Variants in NR3C1 observed in about 807,000 individuals in gnomAD.
NR3C1 encodes glucocorticoid receptor.
In NR3C1, 14 loss-of-function variants were observed where a neutral mutation model predicts 74.0. The observed-to-expected ratio is 0.19, with a 90% CI of 0.12 to 0.30. NR3C1 has a LOEUF of 0.30. Among genes scored for constraint, NR3C1 ranks in the 10% least tolerant of loss-of-function variants. The probability of loss-of-function intolerance (pLI) is 1.00; values close to 1 mark genes in which losing one functional copy is unlikely to be tolerated. For missense variants in NR3C1, 695 were observed against 909.8 expected, an observed-to-expected ratio of 0.76 and a Z score of 3.04; for synonymous variants, 308 against 332.5, an observed-to-expected ratio of 0.93 and a Z score of 0.80.
At position 143,400,774 on chromosome 5, in the gene NR3C1, C is replaced by T. The variant is rs6189; in HGVS notation, c.66G>A (p.Glu22=). 38,735 of 1,614,150 alleles carry T rather than the reference C, an allele frequency of 0.024. 590 individuals carry two copies. The highest frequency in any genetic ancestry group is 0.028 in the Non-Finnish European group (33,298 of 1,180,000). The change falls in exon 2 of 9, where the codon GAG becomes GAA. Residue 22 remains glutamate, a synonymous_variant. Coordinates refer to ENST00000394464, the MANE Select transcript of NR3C1 (RefSeq NM_000176.3). ...EENPSSVLAQ[E]RGDVMDFYKT... Reference sequence around the variant, plus strand: ...TATAGAAGTCCATCACATCTCCCCTCTCCTGAGCAAGCACACTGCTGGGGT... The same window carrying T: ...TATAGAAGTCCATCACATCTCCCCTTTCCTGAGCAAGCACACTGCTGGGGT...
chr5:143,334,395 G>A (rs905312668), intron 2 of NR3C1, among the ~76,000 whole-genome samples: 3 of 152,074 alleles, frequency 2.0e-5, no homozygotes, highest in African/African-American at 7.2e-5. Flanking sequence ...AAAAAGAAAA[G>A]ACAGTAGCTT....
At chr5:143,395,171 C>G (rs1324526195) in intron 2 of NR3C1, among the ~76,000 whole-genome samples, 3 of 151,896 alleles carry the variant, frequency 2.0e-5, no homozygotes, top group African/African-American at 7.2e-5. Flanking sequence ...CATAATTCAA[C>G]AGGGAAAGGA....
rs1036695688 is a variant in NR3C1, at chr5:143,403,540, G to C, written c.-343C>G. The stretch of plus-strand genomic sequence containing the variant: ...TCCACCCACAGAATCCGTCCCCGAC[G>C]GGCAGGCGGTGACTCGGGCTCCCGT... On this transcript the variant is annotated 5_prime_UTR_variant, in exon 1 of 9. Coordinates refer to ENST00000394464, the MANE Select transcript of NR3C1 (RefSeq NM_000176.3). The C allele has an allele frequency of 1.2e-5, 12 of 985,540 alleles. No homozygotes were observed. The highest frequency in any genetic ancestry group is 1.4e-5 in the Non-Finnish European group (12 of 830,182). 61.0% of individuals were successfully genotyped at this position (985,540 alleles called of 1,614,324 possible). A position where few individuals can be genotyped will look rare whatever the true frequency, so the allele number is the denominator to read the frequency against.
intron 2 of NR3C1, among the ~76,000 whole-genome samples, chr5:143,314,617 T>C (rs1821695371): frequency 6.6e-6 from 1 of 152,198 alleles, no homozygotes; most frequent in African/African-American, 2.4e-5. Flanking sequence ...ATGCCTTTAA[T>C]TGCTTAGGCC....
intron 2 of NR3C1, among the ~76,000 whole-genome samples, chr5:143,370,329 C>T (rs1264626417): frequency 6.6e-6 from 1 of 152,162 alleles, no homozygotes; most frequent in Non-Finnish European, 1.5e-5. Context: ...TGCATACACT[C>T]CAGACAGAAG....
intron 2 of NR3C1, among the ~76,000 whole-genome samples, chr5:143,392,211 C>T (rs1262784292): frequency 1.3e-5 from 2 of 152,124 alleles, no homozygotes; most frequent in African/African-American, 4.8e-5. Context: ...ATGATCTGCC[C>T]GCCTCGGCCT....
At chr5:143,295,240 C>G in intron 7 of NR3C1, 1 of 985,130 alleles carries the variant, frequency 1.0e-6, no homozygotes, top group Non-Finnish European at 1.2e-6. Flanking sequence ...CCCTATGCAG[C>G]TCATATACCT....
At chr5:143,402,387 G>A (rs1312427390) in intron 1 of NR3C1, among the ~76,000 whole-genome samples, 4 of 152,200 alleles carry the variant, frequency 2.6e-5, no homozygotes, top group Admixed American at 2.6e-4. Flanking sequence ...GGTATTACAA[G>A]GTTGCAATTA....
chr5:143,307,562 T>C (rs1039123393), intron 4 of NR3C1, among the ~76,000 whole-genome samples: 2 of 152,224 alleles, frequency 1.3e-5, no homozygotes, highest in African/African-American at 4.8e-5. Flanking sequence ...CCTAAAAATG[T>C]TACTGGGTAA....
At chr5:143,352,333 A>C (rs1378519236) in intron 2 of NR3C1, among the ~76,000 whole-genome samples, 11 of 152,178 alleles carry the variant, frequency 7.2e-5, no homozygotes, top group Admixed American at 2.0e-4. Flanking sequence ...ACAGCTATTA[A>C]AAGTATTCTT....
Position 143,310,958 on chromosome 5 carries a change from T to C in NR3C1, c.1352-745A>G, listed in dbSNP as rs7734158. Among the ~76,000 whole-genome samples the C allele has an allele frequency of 6.5e-3, 989 of 152,304 alleles. 12 individuals carry two copies. The highest frequency in any genetic ancestry group is 0.022 in the African/African-American group (903 of 41,566). Reference sequence around the variant, plus strand: ...GGCATGAGCCACCACGCCCAGCCAATAGATTGTGTTTTAAACAAATAATAG... The same window carrying C: ...GGCATGAGCCACCACGCCCAGCCAACAGATTGTGTTTTAAACAAATAATAG... On this transcript the variant is annotated intron_variant, in intron 3 of 8. Coordinates refer to ENST00000394464, the MANE Select transcript of NR3C1 (RefSeq NM_000176.3).
At chr5:143,303,713 C>A (rs1818977423) in intron 4 of NR3C1, among the ~76,000 whole-genome samples, 1 of 152,050 alleles carries the variant, frequency 6.6e-6, no homozygotes, top group Non-Finnish European at 1.5e-5. Context: ...AATCCAGCTG[C>A]ACATCAAAAA....
At chr5:143,328,908 G>A (rs908826387) in intron 2 of NR3C1, among the ~76,000 whole-genome samples, 11 of 152,130 alleles carry the variant, frequency 7.2e-5, no homozygotes, top group Non-Finnish European at 1.3e-4. Context: ...TCTCTAGGAC[G>A]TTCCAAACTT....
intron 2 of NR3C1, among the ~76,000 whole-genome samples, chr5:143,358,946 G>A (rs1831701723): frequency 1.3e-5 from 2 of 151,810 alleles, no homozygotes; most frequent in African/African-American, 4.8e-5. Flanking sequence ...CAATACGTAA[G>A]ACAGATAAAA....
intron 1 of NR3C1, among the ~76,000 whole-genome samples, chr5:143,412,589 C>T (rs1023815973): frequency 2.6e-5 from 4 of 152,130 alleles, no homozygotes; most frequent in African/African-American, 9.7e-5. Flanking sequence ...TATTGTCTTG[C>T]CTATTAGTTA....
intron 4 of NR3C1, among the ~76,000 whole-genome samples, chr5:143,302,379 A>G (rs966282368): frequency 6.6e-6 from 1 of 152,106 alleles, no homozygotes; most frequent in African/African-American, 2.4e-5. Flanking sequence ...CAATACATAA[A>G]GAAACTCTTT....
chr5:143,344,689 A>G (rs1046187063), intron 2 of NR3C1, among the ~76,000 whole-genome samples: 1 of 152,206 alleles, frequency 6.6e-6, no homozygotes, highest in Non-Finnish European at 1.5e-5. Context: ...CTTGGCCAAC[A>G]TGGTGAAACC....
chr5:143,370,515 T>TG (rs1376668093), intron 2 of NR3C1, among the ~76,000 whole-genome samples: 1 of 152,228 alleles, frequency 6.6e-6, no homozygotes, highest in Non-Finnish European at 1.5e-5. Flanking sequence ...GAATAACTTG[T>TG]ATTTTTTAAA....
exon 1 of NR3C1, chr5:143,435,476 CT>C (rs1354804905): frequency 3.0e-6 from 3 of 985,338 alleles, no homozygotes; most frequent in Non-Finnish European, 3.6e-6. Flanking sequence ...GAAGAGGTAC[CT>C]TTTGAATGGG....
Sources: allele counts gnomAD v4.1 joint callset (sites outside exome capture counted in the v4.1 genomes callset), GRCh38; gene constraint gnomAD v4.1.1; transcripts MANE v1.5; gene names NCBI Gene and HGNC (gene_info 2026-07-23, HGNC 2026-07-21).